Variants in PBRM1 observed in about 807,000 individuals in gnomAD.
The protein encoded by PBRM1 is protein polybromo-1.
PBRM1 carries 27 observed loss-of-function variants against 194.5 expected under a neutral mutation model. That is an observed-to-expected ratio of 0.14 (90% CI 0.10 to 0.19). The LOEUF is 0.19. PBRM1 is among the 10% of genes least tolerant of loss of function. The pLI is 1.00. For synonymous variants in PBRM1, 655 were observed against 693.2 expected, an observed-to-expected ratio of 0.94 and a Z score of 0.87; for missense variants, 1,466 against 2,077.2, an observed-to-expected ratio of 0.71 and a Z score of 5.72.
At chr3:52,644,502 A>G (rs1313530469) in intron 8 of PBRM1, among the ~76,000 whole-genome samples, 4 of 152,050 alleles carry the variant, frequency 2.6e-5, no homozygotes, top group Non-Finnish European at 5.9e-5. Context: ...CTCCTGCCTC[A>G]GCCTCCCAAG....
intron 29 of PBRM1, 93 bp from the exon 32 acceptor site, chr3:52,548,328 A>G (rs1217278338): frequency 1.3e-6 from 1 of 753,224 alleles, no homozygotes; most frequent in Non-Finnish European, 2.1e-6. Context: ...TTAAAACACA[A>G]AACATTGAAT....
At chr3:52,571,177 G>T (rs1394805790) in intron 22 of PBRM1, among the ~76,000 whole-genome samples, 1 of 151,934 alleles carries the variant, frequency 6.6e-6, no homozygotes, top group Admixed American at 6.6e-5. Flanking sequence ...ACAAAAATTA[G>T]CTGGGCATGG....
At chr3:52,592,842 T>C (rs952349949) in intron 17 of PBRM1, among the ~76,000 whole-genome samples, 1 of 152,218 alleles carries the variant, frequency 6.6e-6, no homozygotes, top group Non-Finnish European at 1.5e-5. Context: ...GAGCTTGTTA[T>C]TGGTCTGTTC....
At chr3:52,558,569 C>T (rs1466693430) in intron 25 of PBRM1, among the ~76,000 whole-genome samples, 156 bp from the exon 28 acceptor site, 1 of 152,120 alleles carries the variant, frequency 6.6e-6, no homozygotes, top group Non-Finnish European at 1.5e-5. Context: ...GGAGTCGGGC[C>T]GATTTCACTT....
chr3:52,672,041 G>T (rs2096959864), intron 2 of PBRM1, among the ~76,000 whole-genome samples: 1 of 152,242 alleles, frequency 6.6e-6, no homozygotes, highest in South Asian at 2.1e-4. Flanking sequence ...CTAGAGGTCA[G>T]AAGTCCAAAA....
rs58430288 is a variant in PBRM1, at chr3:52,571,856, C to CAAAAAAAAAAAAAAAAAAAA, written c.3691+4665_3691+4684dup. Among the ~76,000 whole-genome samples, 2 of 37,092 alleles carry CAAAAAAAAAAAAAAAAAAAA rather than the reference C, an allele frequency of 5.4e-5. 1 individual carries two copies. Among genetic ancestry groups the CAAAAAAAAAAAAAAAAAAAA allele is most frequent in the African/African-American group, 2.3e-4 (2 of 8,724 alleles). 24.3% of individuals were successfully genotyped at this position (37,092 alleles called of 152,430 possible). On this transcript the variant is annotated intron_variant, in intron 22 of 29. Coordinates refer to ENST00000296302, the Ensembl canonical transcript of PBRM1. ...GAGCAAGAGGGATACCTCATCTCCCCAAAAAAAAAAAAAAAAAAAAAAAAA... is the reference window on the plus strand; with the variant it reads ...GAGCAAGAGGGATACCTCATCTCCCCAAAAAAAAAAAAAAAAAAAAAAAAAAAAAAAAAAAAAAAAAAAAA...
At chr3:52,674,425 G>A (rs6809065) in intron 2 of PBRM1, among the ~76,000 whole-genome samples, 5,630 of 146,962 alleles carry the variant, frequency 0.038, 367 homozygotes, top group African/African-American at 0.13. Flanking sequence ...AGGTTGTGGT[G>A]AGCCACAATC....
chr3:52,627,161 C>T, intron 13 of PBRM1, 112 bp downstream of exon 14: 1 of 577,306 alleles, frequency 1.7e-6, no homozygotes, highest in Admixed American at 3.3e-5. Context: ...AACACATTAC[C>T]ATTTATTTAA....
At chr3:52,578,916 G>C in intron 21 of PBRM1, 138 bp downstream of exon 23, 1 of 792,562 alleles carries the variant, frequency 1.3e-6, no homozygotes. Context: ...AGTGTGGTTG[G>C]AGGGGAACAT....
chr3:52,594,356 T>C (rs1576369419), intron 17 of PBRM1, among the ~76,000 whole-genome samples: 1 of 152,374 alleles, frequency 6.6e-6, no homozygotes, highest in East Asian at 1.9e-4. Context: ...TTGGTCTTTG[T>C]TGGTTTAAAG....
intron 20 of PBRM1, 57 bp from the exon 23 acceptor site, chr3:52,579,256 G>T (rs994446018): frequency 3.3e-6 from 5 of 1,492,572 alleles, no homozygotes; most frequent in African/African-American, 2.8e-5. Flanking sequence ...AATAGAGAAG[G>T]TAAGAAACGA....
At chr3:52,627,196 A>T (rs1266232706) in intron 13 of PBRM1, 77 bp downstream of exon 14, 2 of 761,580 alleles carry the variant, frequency 2.6e-6, no homozygotes, top group Non-Finnish European at 4.5e-6. Context: ...TAGCTTAAAA[A>T]ATATATATTT....
chr3:52,634,153 T>C (rs1193274750), intron 11 of PBRM1, among the ~76,000 whole-genome samples: 2 of 152,120 alleles, frequency 1.3e-5, no homozygotes, highest in Non-Finnish European at 2.9e-5. Flanking sequence ...TAATGAACAG[T>C]TAAGGCTGGG....
intron 13 of PBRM1, among the ~76,000 whole-genome samples, chr3:52,620,149 GATA>G (rs2095206148): frequency 6.6e-6 from 1 of 152,186 alleles, no homozygotes; most frequent in Non-Finnish European, 1.5e-5. Context: ...TCGGCAAGTG[GATA>G]ATACAAGGGA....
chr3:52,677,526 C>T lies in PBRM1; in HGVS notation c.236+974G>A, dbSNP rs574116883. Reference sequence around the variant, plus strand: ...CTCCCGGGTTCAAGTGATTCTCCTGCCTCAGTCTCCCAAGTAGCTGGGATT... The same window carrying T: ...CTCCCGGGTTCAAGTGATTCTCCTGTCTCAGTCTCCCAAGTAGCTGGGATT... On this transcript the variant is annotated intron_variant, in intron 2 of 29. Coordinates refer to ENST00000296302, the Ensembl canonical transcript of PBRM1. Among the ~76,000 whole-genome samples the T allele has an allele frequency of 1.1e-4, 16 of 151,666 alleles. No homozygotes were observed. The East Asian group carries it at 1.2e-3, about 11-fold the overall frequency.
rs1156708878 is a variant in PBRM1 at position 52,674,642 on chromosome 3, AAAT to A, written c.236+3855_236+3857del. Among the ~76,000 whole-genome samples, 3 of 69,628 alleles carry A rather than the reference AAAT, an allele frequency of 4.3e-5. No individual in the cohort carries two copies. The Admixed American group carries it at 6.2e-4, about 14-fold the overall frequency. 45.7% of individuals were successfully genotyped at this position (69,628 alleles called of 152,430 possible). On this transcript the variant is annotated intron_variant, in intron 2 of 29. Coordinates refer to ENST00000296302, the Ensembl canonical transcript of PBRM1. ...CTGTCTCTACCAAAAAAAAAAAAAA[AAAT>A]ATATATATATATATATATATACACA...
At position 52,584,122 on chromosome 3, in the gene PBRM1, G is replaced by T. The variant is rs1576133647; in HGVS notation, c.3387+2303C>A. Among the ~76,000 whole-genome samples the T allele has an allele frequency of 2.0e-5, 3 of 152,036 alleles. No individual in the cohort carries two copies. The South Asian group carries it at 6.2e-4, about 32-fold the overall frequency. On this transcript the variant is annotated intron_variant, in intron 20 of 29. Coordinates refer to ENST00000296302, the Ensembl canonical transcript of PBRM1. Reference sequence around the variant, plus strand: ...TCACATATTTATTCTTAATAAGAATGCTAGAATAATTTTGTCAAGTTTCAA... The same window carrying T: ...TCACATATTTATTCTTAATAAGAATTCTAGAATAATTTTGTCAAGTTTCAA...
chr3:52,642,265 A>G (rs1245367982), intron 9 of PBRM1, among the ~76,000 whole-genome samples: 1 of 152,178 alleles, frequency 6.6e-6, no homozygotes, highest in Non-Finnish European at 1.5e-5. Context: ...GAAAATAAGG[A>G]CTCAGTCACA....
intron 3 of PBRM1, among the ~76,000 whole-genome samples, chr3:52,666,969 G>A (rs1461473381): frequency 6.6e-5 from 10 of 152,016 alleles, no homozygotes; most frequent in African/African-American, 2.4e-4. Context: ...AAACTGGCCT[G>A]TGGAACAGAA....
Sources: gnomAD v4.1 joint callset for allele counts (sites outside exome capture counted in the v4.1 genomes callset) on GRCh38, gnomAD v4.1.1 for gene constraint, MANE v1.5 for transcripts, NCBI Gene and HGNC (gene_info 2026-07-23, HGNC 2026-07-21) for gene names.